The following DOCK3 variants were observed in gnomAD, a reference collection of about 807,000 sequenced individuals.
DOCK3 encodes the protein dedicator of cytokinesis protein 3.
In DOCK3, 60 loss-of-function variants were observed where a neutral mutation model predicts 265.6. The observed-to-expected ratio is 0.23, with a 90% CI of 0.18 to 0.28. The LOEUF (loss-of-function observed/expected upper bound fraction) is 0.28, where lower values mean the gene tolerates loss of function less well. Ranked by LOEUF, DOCK3 falls within the 10% of genes least tolerant of loss-of-function variation. The pLI, the probability that DOCK3 is intolerant of heterozygous loss-of-function variation, is 1.00. For synonymous variants in DOCK3, 881 were observed against 938.0 expected (o/e 0.94, Z 1.11); for missense variants, 1,981 against 2,594.3 (o/e 0.76, Z 5.14).
At chr3:51,017,029 C>G (rs1575781488) in intron 5 of DOCK3, among the ~76,000 whole-genome samples, 1 of 142,656 alleles carries the variant, frequency 7.0e-6, no homozygotes, top group East Asian at 2.0e-4. Flanking sequence ...TGCTGGGAGG[C>G]TTTTTATTAT....
At chr3:50,935,868 T>A (rs1299242388) in intron 5 of DOCK3, among the ~76,000 whole-genome samples, 1 of 152,208 alleles carries the variant, frequency 6.6e-6, no homozygotes, top group Middle Eastern at 3.2e-3. Flanking sequence ...CTAAAATAGA[T>A]GATTTAAATA....
intron 12 of DOCK3, among the ~76,000 whole-genome samples, chr3:51,206,030 T>C (rs2089189235): frequency 6.6e-6 from 1 of 152,230 alleles, no homozygotes; most frequent in Non-Finnish European, 1.5e-5. Context: ...TTGACTCAAA[T>C]AGGCACAAAT....
chr3:50,934,023 T>C lies in DOCK3; in HGVS notation c.261T>C (p.Thr87=), dbSNP rs776105415. Residue 87 remains threonine, a synonymous_variant, in exon 5 of 53, where the codon ACT becomes ACC. Coordinates refer to ENST00000266037, the MANE Select transcript of DOCK3 (RefSeq NM_004947.5). The part of the protein sequence containing the change: ...TVVPLEDSIV[T]EVTATLQEWA... Reference sequence around the variant, plus strand: ...TTCCACTTGAAGATTCTATTGTGACTGAGGTTACAGCAACTCTACAAGAAT... The same window carrying C: ...TTCCACTTGAAGATTCTATTGTGACCGAGGTTACAGCAACTCTACAAGAAT... The C allele has an allele frequency of 3.1e-6, 5 of 1,610,840 alleles. No individual in the cohort carries two copies. Among genetic ancestry groups the C allele is most frequent in the Non-Finnish European group, 3.4e-6 (4 of 1,178,164 alleles).
chr3:50,849,045 C>G (rs1445932810), intron 3 of DOCK3, among the ~76,000 whole-genome samples: 3 of 149,112 alleles, frequency 2.0e-5, no homozygotes, highest in Admixed American at 2.0e-4. Context: ...CTTTTTTTTT[C>G]TTTTCTTGAG....
intron 5 of DOCK3, among the ~76,000 whole-genome samples, chr3:50,976,335 A>G (rs1331126198): frequency 7.5e-6 from 1 of 133,218 alleles, no homozygotes; most frequent in Non-Finnish European, 1.6e-5. Context: ...AGATTCTGGT[A>G]TGTTGTGTCT....
intron 10 of DOCK3, among the ~76,000 whole-genome samples, chr3:51,153,249 T>A (rs2085696226): frequency 1.3e-5 from 2 of 152,186 alleles, no homozygotes; most frequent in Admixed American, 1.3e-4. Flanking sequence ...CGCAGGTCGA[T>A]CTTAGACTGC....
At chr3:50,881,627 A>C (rs1249960716) in intron 3 of DOCK3, among the ~76,000 whole-genome samples, 4 of 152,200 alleles carry the variant, frequency 2.6e-5, no homozygotes, top group African/African-American at 9.6e-5. Flanking sequence ...GACACAAACA[A>C]ATGGAAGAAC....
chr3:50,838,328 T>C (rs2045632665), intron 2 of DOCK3, among the ~76,000 whole-genome samples: 2 of 152,222 alleles, frequency 1.3e-5, no homozygotes, highest in African/African-American at 2.4e-5. Context: ...GACGTAAGTC[T>C]TTATAAACTT....
intron 38 of DOCK3, 120 bp from the exon 39 acceptor site, chr3:51,348,730 TTG>T: frequency 1.0e-6 from 1 of 968,836 alleles, no homozygotes; most frequent in Non-Finnish European, 1.6e-6. Context: ...TATATGTTCT[TTG>T]TGACACATGA....
chr3:50,688,838 CATT>C (rs887388323), intron 1 of DOCK3, among the ~76,000 whole-genome samples: 1 of 152,144 alleles, frequency 6.6e-6, no homozygotes, highest in Admixed American at 6.6e-5. Context: ...GCTGTCTCAT[CATT>C]GAGTCTTCCC....
chr3:51,120,933 A>T (rs2083984108), intron 9 of DOCK3, among the ~76,000 whole-genome samples: 1 of 152,190 alleles, frequency 6.6e-6, no homozygotes, highest in South Asian at 2.1e-4. Context: ...GAGCAAGACT[A>T]CTTGGCTTCC....
At position 51,309,430 on chromosome 3, in the gene DOCK3, G is replaced by A. The variant is rs949541624; in HGVS notation, c.2923-802G>A. ...AACCCCGTCTCCACCAAAAAAATAC[G>A]AAAACCAGTCAGGCGTGGCGGCGCG... On this transcript the variant is annotated intron_variant, in intron 27 of 52. Coordinates refer to ENST00000266037, the MANE Select transcript of DOCK3 (RefSeq NM_004947.5). Among the ~76,000 whole-genome samples, 72 of 152,312 alleles carry A rather than the reference G, an allele frequency of 4.7e-4. No individual in the cohort carries two copies. In the Middle Eastern group the frequency reaches 0.01, roughly 22 times the overall value.
chr3:51,201,075 A>G (rs1367772835), intron 12 of DOCK3, among the ~76,000 whole-genome samples: 1 of 152,078 alleles, frequency 6.6e-6, no homozygotes, highest in African/African-American at 2.4e-5. Flanking sequence ...AAATCATGCC[A>G]AAATGTAAAG....
In DOCK3 at chr3:50,916,733, C is replaced by T. The variant is rs974728655; in HGVS notation, c.219-17248C>T. Among the ~76,000 whole-genome samples the T allele has an allele frequency of 4.6e-5, 7 of 151,078 alleles. No individual in the cohort carries two copies. The East Asian group carries it at 7.9e-4, about 17-fold the overall frequency. ...CTGAGGCAGGAGAATAGTGTGAACC[C>T]GGTAGGGGGAGCTTACAGTGAGCCG... is the stretch of plus-strand genomic sequence containing the variant. On this transcript the variant is annotated intron_variant, in intron 4 of 52. Coordinates refer to ENST00000266037, the MANE Select transcript of DOCK3 (RefSeq NM_004947.5).
intron 12 of DOCK3, among the ~76,000 whole-genome samples, chr3:51,183,997 T>C (rs2087448898): frequency 6.6e-6 from 1 of 152,178 alleles, no homozygotes; most frequent in African/African-American, 2.4e-5. Flanking sequence ...TCTTGGTTTC[T>C]AATATCATTT....
At chr3:51,267,745 T>C (rs1489428699) in intron 23 of DOCK3, among the ~76,000 whole-genome samples, 2 of 152,142 alleles carry the variant, frequency 1.3e-5, no homozygotes, top group Non-Finnish European at 2.9e-5. Context: ...CCAACCCAAA[T>C]GCCCATCAGT....
chr3:50,780,530 G>A (rs1022897268), intron 2 of DOCK3, among the ~76,000 whole-genome samples: 3 of 152,090 alleles, frequency 2.0e-5, no homozygotes, highest in African/African-American at 7.2e-5. Flanking sequence ...CAAGAGTGAG[G>A]GGAGGTGCCA....
rs1455734438 is a variant in DOCK3 at position 51,277,598 on chromosome 3, C to T, written c.2677-10C>T. On this transcript the variant is annotated splice_polypyrimidine_tract_variant and intron_variant, in intron 25 of 52. Transcript: ENST00000266037. ...CTGCTAATGGTGTGCTCTCTTGCTGCTCGCTCCAGGAGGCAGATGTCATGG... is the reference window on the plus strand; with the variant it reads ...CTGCTAATGGTGTGCTCTCTTGCTGTTCGCTCCAGGAGGCAGATGTCATGG... 1.3e-6 allele frequency: 2 copies of T among 1,524,906 alleles called. No individual in the cohort carries two copies. The highest frequency in any genetic ancestry group is 1.8e-6 in the Non-Finnish European group (2 of 1,136,424). The allele number at this position is 1,524,906 out of a possible 1,614,324, so 94.5% of individuals were successfully genotyped here.
At chr3:51,124,256 G>A (rs2084163833) in intron 9 of DOCK3, among the ~76,000 whole-genome samples, 1 of 152,114 alleles carries the variant, frequency 6.6e-6, no homozygotes, top group African/African-American at 2.4e-5. Context: ...CTAGTACAGG[G>A]TCCTTTGTCT....
Sources: allele counts gnomAD v4.1 joint callset (sites outside exome capture counted in the v4.1 genomes callset), GRCh38; gene constraint gnomAD v4.1.1; transcripts MANE v1.5; gene names NCBI Gene and HGNC (gene_info 2026-07-23, HGNC 2026-07-21).